The following UVRAG variants were observed in gnomAD, a reference collection of about 807,000 sequenced individuals.
UVRAG encodes the protein UV radiation resistance associated, also known as UV radiation resistance-associated gene protein.
Under a neutral mutation model 78.0 loss-of-function variants are expected in UVRAG, and 19 were observed. The ratio of observed to expected loss-of-function variants is 0.24; its 90% confidence interval spans 0.17 to 0.36. The LOEUF (loss-of-function observed/expected upper bound fraction) is 0.36. Among genes scored for constraint, UVRAG ranks in the 10% least tolerant of loss-of-function variants. The pLI, the probability that UVRAG is intolerant of heterozygous loss-of-function variation, is 1.00. For missense variants in UVRAG, 740 were observed against 853.8 expected, an observed-to-expected ratio of 0.87 and a Z score of 1.66; for synonymous variants, 323 against 324.6, an observed-to-expected ratio of 1.00 and a Z score of 0.05.
At chr11:75,965,984 C>T (rs1442539968) in intron 7 of UVRAG, among the ~76,000 whole-genome samples, 1 of 152,054 alleles carries the variant, frequency 6.6e-6, no homozygotes, top group Non-Finnish European at 1.5e-5. Flanking sequence ...CTCATCATTT[C>T]TCTGTTAAAT....
At chr11:76,050,420 T>G (rs1175740735) in intron 12 of UVRAG, among the ~76,000 whole-genome samples, 1 of 152,234 alleles carries the variant, frequency 6.6e-6, no homozygotes, top group East Asian at 1.9e-4. Context: ...TTTGCAGATA[T>G]TTGTTGAATA....
At chr11:75,967,568 T>C (rs1164230230) in intron 7 of UVRAG, among the ~76,000 whole-genome samples, 1 of 152,202 alleles carries the variant, frequency 6.6e-6, no homozygotes, top group Admixed American at 6.5e-5. Flanking sequence ...AAGCTGTCAA[T>C]TCTCAAAGTT....
At chr11:75,952,292 A>G (rs1171524043) in intron 6 of UVRAG, among the ~76,000 whole-genome samples, 2 of 152,090 alleles carry the variant, frequency 1.3e-5, no homozygotes, top group Admixed American at 6.5e-5. Flanking sequence ...CATTATTACA[A>G]TGGTTTGGAC....
chr11:76,048,579 G>A (rs546241908), intron 12 of UVRAG, among the ~76,000 whole-genome samples: 1 of 152,288 alleles, frequency 6.6e-6, no homozygotes, highest in South Asian at 2.1e-4. Context: ...AAATGACTTA[G>A]GGGCCTCTAA....
chr11:76,060,383 A>C (rs1951059903), intron 12 of UVRAG, among the ~76,000 whole-genome samples: 1 of 152,206 alleles, frequency 6.6e-6, no homozygotes, highest in Non-Finnish European at 1.5e-5. Context: ...TGAAGGAAAA[A>C]ATGAAATTGA....
At chr11:75,944,493 A>G (rs1293078799) in intron 6 of UVRAG, among the ~76,000 whole-genome samples, 3 of 152,170 alleles carry the variant, frequency 2.0e-5, no homozygotes, top group Admixed American at 1.3e-4. Context: ...GGGCTCTGCT[A>G]TTGACCTAGT....
intron 13 of UVRAG, among the ~76,000 whole-genome samples, chr11:76,085,290 CTT>C (rs1180948209): frequency 1.3e-5 from 2 of 152,070 alleles, no homozygotes; most frequent in Non-Finnish European, 2.9e-5. Flanking sequence ...TTGGCTCTGG[CTT>C]TTTGCTGTTA....
At chr11:75,904,857 T>C (rs1947582467) in intron 5 of UVRAG, among the ~76,000 whole-genome samples, 1 of 152,240 alleles carries the variant, frequency 6.6e-6, no homozygotes, top group South Asian at 2.1e-4. Context: ...ACTTTTTATA[T>C]TGCTGTTATT....
chr11:76,121,883 T>C lies in UVRAG; in HGVS notation c.1397+5868T>C, dbSNP rs1591260938. On this transcript the variant is annotated intron_variant, in intron 14 of 14. Coordinates refer to ENST00000356136, the MANE Select transcript of UVRAG (RefSeq NM_003369.4). ...TGGCAGCTACAGAGATAAGTGTGTA[T>C]TCCCTCAGTAGCTTAGAGTCACTTC... Among the ~76,000 whole-genome samples, 4 of 152,294 alleles carry C rather than the reference T, an allele frequency of 2.6e-5. No individual in the cohort carries two copies. In the East Asian group the frequency reaches 7.7e-4, roughly 29 times the overall value.
At position 76,042,987 on chromosome 11, in the gene UVRAG, C is replaced by T. The variant is rs115527406; in HGVS notation, c.1227-22723C>T. ...AATGTAATAAAGTTTCTGAGTTAGC[C>T]ATTTCTTTTTCTTCTTTGAATCAGT... On this transcript the variant is annotated intron_variant, in intron 12 of 14. Transcript: ENST00000356136. Among the ~76,000 whole-genome samples the T allele has an allele frequency of 7.2e-3, 1,096 of 152,246 alleles. 13 individuals are homozygous for T. The highest frequency in any genetic ancestry group is 0.025 in the African/African-American group (1,041 of 41,536).
At chr11:76,037,328 A>T (rs564044606) in intron 12 of UVRAG, among the ~76,000 whole-genome samples, 2 of 152,284 alleles carry the variant, frequency 1.3e-5, no homozygotes, top group South Asian at 4.1e-4. Context: ...GAAAAATATC[A>T]TATCATTTCA....
At chr11:76,109,391 T>C (rs1486648838) in intron 13 of UVRAG, among the ~76,000 whole-genome samples, 1 of 152,236 alleles carries the variant, frequency 6.6e-6, no homozygotes, top group Admixed American at 6.5e-5. Context: ...ACTCTTCAGC[T>C]TAGCACTCTT....
intron 6 of UVRAG, among the ~76,000 whole-genome samples, chr11:75,933,891 C>T (rs1948299563): frequency 6.6e-6 from 1 of 152,154 alleles, no homozygotes; most frequent in South Asian, 2.1e-4. Flanking sequence ...AACCCTTGTA[C>T]ACTGTTAGTG....
At chr11:75,920,008 G>GTTTTTTGTTTTTTTTTTTTT (rs1947941022) in intron 6 of UVRAG, among the ~76,000 whole-genome samples, 1 of 55,462 alleles carries the variant, frequency 1.8e-5, no homozygotes, top group African/African-American at 5.8e-5. Context: ...AATAATTTTG[G>GTTTTTTGTTTTTTTTTTTTT]TTTTTTTTTT....
intron 11 of UVRAG, among the ~76,000 whole-genome samples, chr11:76,013,583 A>G (rs527467820): frequency 2.6e-5 from 4 of 152,354 alleles, no homozygotes; most frequent in Admixed American, 1.3e-4. Flanking sequence ...TGGCTGTGGC[A>G]GGTAAAAAAA....
intron 7 of UVRAG, among the ~76,000 whole-genome samples, chr11:75,976,684 G>C (rs971853420): frequency 2.6e-5 from 4 of 152,080 alleles, no homozygotes; most frequent in African/African-American, 9.7e-5. Flanking sequence ...TCTGATGGTA[G>C]TTTGTATCTC....
chr11:75,839,207 A>T (rs73489956), intron 1 of UVRAG, among the ~76,000 whole-genome samples: 3,950 of 152,034 alleles, frequency 0.026, 197 homozygotes, highest in African/African-American at 0.09. Context: ...ATTTCTAGGA[A>T]TTCTTTATGT....
chr11:75,864,418 T>C (rs2134796088), intron 3 of UVRAG, among the ~76,000 whole-genome samples: 1 of 152,346 alleles, frequency 6.6e-6, no homozygotes, highest in African/African-American at 2.4e-5. Flanking sequence ...TCATTGTGAT[T>C]GGTTCAGATT....
intron 12 of UVRAG, among the ~76,000 whole-genome samples, chr11:76,055,544 CTGTT>C (rs1591183024): frequency 6.6e-6 from 1 of 151,242 alleles, no homozygotes; most frequent in Non-Finnish European, 1.5e-5. Context: ...ATTTATCTAT[CTGTT>C]TATCTATTAT....
Sources: allele counts gnomAD v4.1 joint callset (sites outside exome capture counted in the v4.1 genomes callset), GRCh38; gene constraint gnomAD v4.1.1; transcripts MANE v1.5; gene names NCBI Gene and HGNC (gene_info 2026-07-23, HGNC 2026-07-21).